CXADR: variants seen among roughly 807,000 people sequenced by gnomAD.
CXADR encodes the protein CXADR cell adhesion molecule, also known as coxsackievirus and adenovirus receptor.
In CXADR, 20 loss-of-function variants were observed where a neutral mutation model predicts 40.3. The observed-to-expected ratio is 0.50, with a 90% CI of 0.35 to 0.72. The LOEUF (loss-of-function observed/expected upper bound fraction) is 0.72, where lower values mean the gene tolerates loss of function less well. CXADR is among the 30% of genes least tolerant of loss of function. The probability of loss-of-function intolerance (pLI) is 0.01; values close to 1 mark genes in which losing one functional copy is unlikely to be tolerated. For synonymous variants in CXADR, 150 were observed against 161.3 expected, an observed-to-expected ratio of 0.93 and a Z score of 0.53; for missense variants, 332 against 449.1, an observed-to-expected ratio of 0.74 and a Z score of 2.36.
At chr21:17,522,421 T>A (rs2060543635) in intron 1 of CXADR, among the ~76,000 whole-genome samples, 1 of 152,182 alleles carries the variant, frequency 6.6e-6, no homozygotes, top group Non-Finnish European at 1.5e-5. Flanking sequence ...GTGCTGGGAT[T>A]ACAGGTGTGA....
At position 17,569,070 on chromosome 21, in the gene CXADR, T is replaced by C; in HGVS notation, c.*3378T>C. The C allele has an allele frequency of 1.0e-6, 1 of 985,438 alleles. No individual in the cohort carries two copies. The highest frequency in any genetic ancestry group is 1.2e-6 in the Non-Finnish European group (1 of 829,918). The allele number at this position is 985,438 out of a possible 1,614,324, so 61.0% of individuals were successfully genotyped here. On this transcript the variant is annotated 3_prime_UTR_variant, in exon 7 of 7. Transcript: ENST00000284878. ...GGCAAGTAAACCTTTTGATGAAATATAAAAGGAACTCATTGCATGAAGTTG... is the reference window on the plus strand; with the variant it reads ...GGCAAGTAAACCTTTTGATGAAATACAAAAGGAACTCATTGCATGAAGTTG...
At chr21:17,526,470 A>C (rs1236913953) in intron 1 of CXADR, among the ~76,000 whole-genome samples, 1 of 152,220 alleles carries the variant, frequency 6.6e-6, no homozygotes, top group African/African-American at 2.4e-5. Context: ...ATAAAGCAGA[A>C]AAGTATATGC....
At chr21:17,565,376 A>G (rs1378552384) in intron 6 of CXADR, 52 bp from the exon 7 acceptor site, 6 of 1,569,310 alleles carry the variant, frequency 3.8e-6, no homozygotes, top group East Asian at 2.2e-5. Context: ...GCATAATTGT[A>G]GGTTTTTAGA....
chr21:17,588,717 A>G (rs1027749806), intron 7 of CXADR, among the ~76,000 whole-genome samples: 7 of 152,172 alleles, frequency 4.6e-5, no homozygotes, highest in Non-Finnish European at 7.4e-5. Flanking sequence ...GTATTAATAA[A>G]TAATGTAAAA....
Position 17,579,290 on chromosome 21 carries a change from C to CTT in CXADR, c.1017+13690_1017+13691dup, listed in dbSNP as rs60312076. On this transcript the variant is annotated intron_variant, in intron 7 of 7. Transcript: ENST00000400169. ...TTTTCTTTTTCCTTTCTTCTCTTTT[C>CTT]TTTTTTTTTTTTGAGATGGAGTCTC... is the stretch of plus-strand genomic sequence containing the variant. Among the ~76,000 whole-genome samples the CTT allele has an allele frequency of 6.3e-3, 687 of 108,368 alleles. 20 individuals are homozygous for CTT. In the East Asian group the frequency reaches 0.094, roughly 15 times the overall value. 71.1% of individuals were successfully genotyped at this position (108,368 alleles called of 152,430 possible).
At chr21:17,631,082 T>C in the CXADR span, among the ~76,000 whole-genome samples, 1 of 152,214 alleles carries the variant, frequency 6.6e-6, no homozygotes, top group African/African-American at 2.4e-5. Context: ...CAGTATTATA[T>C]TAAAAGAATG....
chr21:17,586,183 G>A lies in CXADR; in HGVS notation c.1018-6969G>A, dbSNP rs543609562. On this transcript the variant is annotated intron_variant, in intron 7 of 7. Transcript: ENST00000400169. ...ATTGTCTTATCTTTTAATATTTTTA[G>A]CCATTTGTGTTTCTTTATTGATTTG... Among the ~76,000 whole-genome samples, 16 of 151,784 alleles carry A rather than the reference G, an allele frequency of 1.1e-4. No individual in the cohort carries two copies. The East Asian group carries it at 2.9e-3, about 27-fold the overall frequency.
At chr21:17,574,992 TACAC>T (rs56727668), downstream of CXADR, among the ~76,000 whole-genome samples, 5 of 148,548 alleles carry the variant, frequency 3.4e-5, no homozygotes, top group African/African-American at 1.3e-4. Flanking sequence ...ATTACATATA[TACAC>T]ACACATACAT....
chr21:17,632,771 A>G, the CXADR span, among the ~76,000 whole-genome samples: 1 of 152,170 alleles, frequency 6.6e-6, no homozygotes, highest in African/African-American at 2.4e-5. Flanking sequence ...CAGGAGGCCG[A>G]GGCAGGAGAA....
chr21:17,592,883 A>T (rs1448174434), intron 7 of CXADR, among the ~76,000 whole-genome samples: 1 of 144,048 alleles, frequency 6.9e-6, no homozygotes, highest in Non-Finnish European at 1.5e-5. Context: ...TGACATTTTC[A>T]TACTATTGAG....
At chr21:17,628,755 G>A in the CXADR span, among the ~76,000 whole-genome samples, 5 of 151,984 alleles carry the variant, frequency 3.3e-5, no homozygotes, top group Non-Finnish European at 7.4e-5. Context: ...CGCCCTCCTC[G>A]GCCTCCCAAA....
intron 7 of CXADR, among the ~76,000 whole-genome samples, chr21:17,584,826 AAAAC>A (rs922681067): frequency 3.5e-4 from 53 of 152,344 alleles, no homozygotes; most frequent in Middle Eastern, 3.4e-3. Context: ...TCCGTCTCAA[AAAAC>A]AAACAAACAA....
chr21:17,602,949 T>C, the CXADR span, among the ~76,000 whole-genome samples: 1 of 152,256 alleles, frequency 6.6e-6, no homozygotes, highest in Non-Finnish European at 1.5e-5. Context: ...CGTAAACTAT[T>C]TGATTGTGTG....
At chr21:17,585,097 T>C (rs1170006389) in intron 7 of CXADR, among the ~76,000 whole-genome samples, 3 of 152,194 alleles carry the variant, frequency 2.0e-5, no homozygotes, top group Non-Finnish European at 4.4e-5. Flanking sequence ...AAAAATGTAT[T>C]GTCTATATTT....
At chr21:17,559,196 G>A in intron 4 of CXADR, 65 bp downstream of exon 4, 2 of 1,551,872 alleles carry the variant, frequency 1.3e-6, no homozygotes. Context: ...GTAGGGGTGT[G>A]TGTGTGATTT....
chr21:17,552,587 T>C (rs1036398619), intron 3 of CXADR, among the ~76,000 whole-genome samples: 1 of 152,180 alleles, frequency 6.6e-6, no homozygotes, highest in Non-Finnish European at 1.5e-5. Context: ...TCCCTTCAAA[T>C]TGAGAAACTG....
downstream of CXADR, among the ~76,000 whole-genome samples, chr21:17,594,760 CG>C (rs1451456307): frequency 8.6e-5 from 13 of 151,732 alleles, no homozygotes; most frequent in African/African-American, 2.9e-4. Context: ...AATCAACTAC[CG>C]CATGTTCTCA....
intron 3 of CXADR, among the ~76,000 whole-genome samples, chr21:17,556,533 C>T (rs184972917): frequency 1.3e-5 from 2 of 152,256 alleles, no homozygotes; most frequent in Admixed American, 1.3e-4. Flanking sequence ...ATGTTTGATG[C>T]ACAAAGCATT....
At chr21:17,518,567 C>A in intron 1 of CXADR, 1 of 1,211,692 alleles carries the variant, frequency 8.3e-7, no homozygotes, top group South Asian at 1.2e-5. Context: ...TCTACAAGAT[C>A]GGGAACATCA....
Sources: gnomAD v4.1 joint callset for allele counts (sites outside exome capture counted in the v4.1 genomes callset) on GRCh38, gnomAD v4.1.1 for gene constraint, MANE v1.5 for transcripts, NCBI Gene and HGNC (gene_info 2026-07-23, HGNC 2026-07-21) for gene names.